Variants in RAB43 observed in about 807,000 individuals in gnomAD.
The protein encoded by RAB43 is RAB43, member RAS oncogene family.
A neutral mutation model predicts 18.8 loss-of-function variants in RAB43; 6 were observed. The ratio of observed to expected loss-of-function variants is 0.32; its 90% CI spans 0.17 to 0.63. The LOEUF is 0.63. Among genes scored for constraint, RAB43 ranks in the 30% least tolerant of loss-of-function variants. RAB43 has a pLI of 0.79. For missense variants in RAB43, 195 were observed against 289.1 expected (o/e 0.67, Z 2.36); for synonymous variants, 103 against 124.1 (o/e 0.83, Z 1.13).
chr3:129,092,830 C>T (rs1215527131), intron 2 of RAB43, among the ~76,000 whole-genome samples: 1 of 151,546 alleles, frequency 6.6e-6, no homozygotes, highest in Non-Finnish European at 1.5e-5. Flanking sequence ...GTGGCGGGCG[C>T]CTGTGGTCCC....
intron 2 of RAB43, among the ~76,000 whole-genome samples, chr3:129,094,463 CTCTT>C (rs1279314599): frequency 2.8e-5 from 4 of 144,782 alleles, no homozygotes; most frequent in South Asian, 4.4e-4. Context: ...AACTTCAGCT[CTCTT>C]TCTTCTTTCC....
chr3:129,096,922 G>A (rs1272166625), intron 1 of RAB43, among the ~76,000 whole-genome samples: 1 of 152,148 alleles, frequency 6.6e-6, no homozygotes, highest in African/African-American at 2.4e-5. Flanking sequence ...AGACCAGGCT[G>A]GCCAACATGG....
At chr3:129,093,017 G>C (rs1933783163) in intron 2 of RAB43, among the ~76,000 whole-genome samples, 1 of 150,840 alleles carries the variant, frequency 6.6e-6, no homozygotes, top group Admixed American at 6.6e-5. Context: ...GGAAGACAGA[G>C]TCTTACTCTG....
chr3:129,104,078 A>G (rs1303262490), intron 1 of RAB43, among the ~76,000 whole-genome samples: 1 of 152,226 alleles, frequency 6.6e-6, no homozygotes, highest in Admixed American at 6.5e-5. Flanking sequence ...CCTGGCATGT[A>G]GAAGGTGCCC....
At chr3:129,093,595 C>T (rs1274963307) in intron 2 of RAB43, among the ~76,000 whole-genome samples, 7 of 151,182 alleles carry the variant, frequency 4.6e-5, no homozygotes, top group Non-Finnish European at 8.8e-5. Flanking sequence ...GGCGACAGAG[C>T]GAGACTCCGT....
At chr3:129,112,756 C>CT (rs112217631) in intron 1 of RAB43, among the ~76,000 whole-genome samples, 123 of 143,808 alleles carry the variant, frequency 8.6e-4, no homozygotes, top group East Asian at 1.0e-3. Context: ...GTTTTTGTTG[C>CT]TTTTTTTTTT....
At chr3:129,096,299 C>T (rs186194491) in intron 1 of RAB43, among the ~76,000 whole-genome samples, 1 of 152,246 alleles carries the variant, frequency 6.6e-6, no homozygotes, top group Admixed American at 6.5e-5. Flanking sequence ...AGCCCCAACA[C>T]AGAAGTCTGA....
At chr3:129,100,288 C>T (rs1934336189) in intron 1 of RAB43, among the ~76,000 whole-genome samples, 1 of 152,170 alleles carries the variant, frequency 6.6e-6, no homozygotes, top group African/African-American at 2.4e-5. Flanking sequence ...AATTTTCCCT[C>T]ATAAGACAGG....
intron 1 of RAB43, among the ~76,000 whole-genome samples, chr3:129,114,994 T>G (rs58457030): frequency 0.13 from 20,132 of 151,222 alleles, 2,057 homozygotes; most frequent in East Asian, 0.52. Flanking sequence ...CAATCCACTC[T>G]CTCTCATCAG....
intron 1 of RAB43, among the ~76,000 whole-genome samples, chr3:129,109,805 A>G (rs1288749032): frequency 6.6e-6 from 1 of 151,952 alleles, no homozygotes; most frequent in Non-Finnish European, 1.5e-5. Context: ...CTTGGTACAT[A>G]ATGTAAAAAA....
intron 1 of RAB43, 41 bp downstream of exon 1, chr3:129,121,241 ACCCT>A (rs1560008116): frequency 6.6e-7 from 1 of 1,512,204 alleles, no homozygotes; most frequent in Admixed American, 2.1e-5. Context: ...CCCCCGCCCC[ACCCT>A]CCGAGGGAGC....
At chr3:129,097,577 G>A (rs578130078) in intron 1 of RAB43, among the ~76,000 whole-genome samples, 1 of 152,238 alleles carries the variant, frequency 6.6e-6, no homozygotes, top group African/African-American at 2.4e-5. Flanking sequence ...AAGAAAATGT[G>A]GGATCCAGAA....
intron 1 of RAB43, among the ~76,000 whole-genome samples, chr3:129,109,690 C>A (rs1363326074): frequency 2.0e-5 from 3 of 150,830 alleles, no homozygotes; most frequent in Non-Finnish European, 2.9e-5. Flanking sequence ...TGCAGTGAGC[C>A]GAGATCGCAC....
intron 1 of RAB43, among the ~76,000 whole-genome samples, chr3:129,121,068 G>GCCCCCCCCCCCCCCCCCCCCC (rs56235562): frequency 1.2e-5 from 1 of 82,158 alleles, no homozygotes; most frequent in African/African-American, 5.5e-5. Context: ...ACACTCCCTC[G>GCCCCCCCCCCCCCCCCCCCCC]CCCCCCCCCC....
chr3:129,113,406 G>A (rs931320231), intron 1 of RAB43, among the ~76,000 whole-genome samples: 4 of 151,620 alleles, frequency 2.6e-5, no homozygotes, highest in African/African-American at 9.7e-5. Context: ...CCACATGATC[G>A]GCCCGCCTCG....
chr3:129,094,653 T>C (rs1294150450), intron 2 of RAB43, among the ~76,000 whole-genome samples: 1 of 151,600 alleles, frequency 6.6e-6, no homozygotes, highest in East Asian at 1.9e-4. Flanking sequence ...CAGCTGGGAC[T>C]ACAGGCGCCT....
At chr3:129,112,761 T>G (rs577629064) in intron 1 of RAB43, among the ~76,000 whole-genome samples, 1 of 152,078 alleles carries the variant, frequency 6.6e-6, no homozygotes, top group South Asian at 2.1e-4. Context: ...TGTTGCTTTT[T>G]TTTTTTTGAG....
intron 2 of RAB43, chr3:129,092,381 G>T: frequency 2.0e-6 from 1 of 496,428 alleles, no homozygotes; most frequent in South Asian, 3.1e-5. Context: ...TCCGAGGGAG[G>T]GGAGGTGACA....
intron 1 of RAB43, among the ~76,000 whole-genome samples, chr3:129,118,985 A>T (rs1360556408): frequency 2.6e-5 from 4 of 152,208 alleles, no homozygotes; most frequent in Non-Finnish European, 5.9e-5. Flanking sequence ...AGGTGAAAGG[A>T]ACTGACTACA....
Sources: allele counts gnomAD v4.1 joint callset (sites outside exome capture counted in the v4.1 genomes callset), GRCh38; gene constraint gnomAD v4.1.1; transcripts MANE v1.5; gene names NCBI Gene and HGNC (gene_info 2026-07-23, HGNC 2026-07-21).